The following WFDC10B variants were observed in gnomAD, a reference collection of about 807,000 sequenced individuals.
WFDC10B encodes the protein WAP four-disulfide core domain 10B.
Under a neutral mutation model 2.7 loss-of-function variants are expected in WFDC10B, and 1 was observed. The ratio of observed to expected loss-of-function variants is 0.38; its 90% CI spans 0.13 to 1.79. The LOEUF is 1.79. Ranked by LOEUF, WFDC10B falls within the 40% of genes most tolerant of loss-of-function variation. WFDC10B has a pLI of 0.33. For missense variants in WFDC10B, 71 were observed against 87.8 expected, an observed-to-expected ratio of 0.81 and a Z score of 0.76; for synonymous variants, 26 against 32.2, an observed-to-expected ratio of 0.81 and a Z score of 0.65.
At chr20:45,693,824 C>T (rs919993547) in intron 2 of WFDC10B, among the ~76,000 whole-genome samples, 19 of 152,344 alleles carry the variant, frequency 1.2e-4, no homozygotes, top group African/African-American at 2.6e-4. Context: ...GCGCACGGTG[C>T]GCTGCACCCA....
chr20:45,685,957 G>C lies in WFDC10B; in HGVS notation c.36C>G (p.Leu12=). The change falls in exon 3 of 4, where the codon CTC becomes CTG. Residue 12 remains leucine (L), a synonymous_variant. Coordinates refer to ENST00000330523, the MANE Select transcript of WFDC10B (RefSeq NM_172006.2). ...CCTGGGCCTGCAGCAGCAGCACACA[G>C]AGAACCAGGACAAGCAGCAGAGTCT... ...APQTLLLVLV[L]CVLLLQAQGG... 1 of 1,614,180 alleles carries C rather than the reference G, an allele frequency of 6.2e-7. No individual in the cohort carries two copies. Among genetic ancestry groups the C allele is most frequent in the South Asian group, 1.1e-5 (1 of 91,074 alleles).
intron 2 of WFDC10B, among the ~76,000 whole-genome samples, chr20:45,689,559 C>T (rs1021201097): frequency 3.3e-5 from 5 of 152,108 alleles, no homozygotes; most frequent in African/African-American, 9.7e-5. Context: ...TCCTTCACGT[C>T]CCTTTTAAGT....
At chr20:45,685,171 A>G (rs952945737) in intron 3 of WFDC10B, among the ~76,000 whole-genome samples, 53 of 152,216 alleles carry the variant, frequency 3.5e-4, no homozygotes, top group African/African-American at 1.3e-3. Context: ...TCACCCCAGT[A>G]GACTTCAATG....
At chr20:45,693,964 CA>C (rs34737850) in intron 2 of WFDC10B, among the ~76,000 whole-genome samples, 28,800 of 152,112 alleles carry the variant, frequency 0.19, 2,973 homozygotes, top group East Asian at 0.32. Context: ...CCTATTCAGC[CA>C]TCTTGGCTCC....
chr20:45,703,672 T>C (rs1174684652), intron 2 of WFDC10B, among the ~76,000 whole-genome samples: 1 of 152,060 alleles, frequency 6.6e-6, no homozygotes, highest in Non-Finnish European at 1.5e-5. Context: ...GGGAAGACTC[T>C]CCCAGGGCAG....
At chr20:45,693,155 C>T (rs972004692) in intron 2 of WFDC10B, among the ~76,000 whole-genome samples, 19 of 152,086 alleles carry the variant, frequency 1.2e-4, no homozygotes, top group Non-Finnish European at 2.2e-4. Flanking sequence ...TTTCGTGAAC[C>T]GCGAATGCTA....
intron 2 of WFDC10B, among the ~76,000 whole-genome samples, chr20:45,700,968 AAAG>A (rs1221586590): frequency 1.3e-5 from 2 of 152,250 alleles, no homozygotes; most frequent in Non-Finnish European, 2.9e-5. Context: ...AAATTTGTGG[AAAG>A]AAGAAAAGAT....
At chr20:45,704,349 T>A in intron 2 of WFDC10B, 148 bp downstream of exon 2, 1 of 1,494,956 alleles carries the variant, frequency 6.7e-7, no homozygotes, top group Non-Finnish European at 9.0e-7. Context: ...CAGATGAGGG[T>A]GGCAGGTTTC....
chr20:45,686,858 G>A lies in WFDC10B; in HGVS notation c.-64-802C>T, dbSNP rs747135453. Among the ~76,000 whole-genome samples, 9 of 151,938 alleles carry A rather than the reference G, an allele frequency of 5.9e-5. No homozygotes were observed. The South Asian group carries it at 6.3e-4, about 11-fold the overall frequency. On this transcript the variant is annotated intron_variant, in intron 2 of 3. Coordinates refer to ENST00000330523, the MANE Select transcript of WFDC10B (RefSeq NM_172006.2). ...GTATTTTTAGTAGAGATGGGGTTCC[G>A]CCATGTTGGCCAGGCTGGTCTTGAA...
chr20:45,694,358 G>C (rs1983918385), intron 2 of WFDC10B, among the ~76,000 whole-genome samples: 1 of 151,610 alleles, frequency 6.6e-6, no homozygotes, highest in Non-Finnish European at 1.5e-5. Context: ...ATGGCAAATA[G>C]TAGCAAAAAG....
chr20:45,702,317 T>C, intron 2 of WFDC10B: 1 of 1,161,362 alleles, frequency 8.6e-7, no homozygotes, highest in Non-Finnish European at 1.2e-6. Context: ...CGTGTCATGT[T>C]CAAGGGCCCA....
At chr20:45,702,199 C>T in intron 2 of WFDC10B, 1 of 1,612,460 alleles carries the variant, frequency 6.2e-7, no homozygotes, top group Non-Finnish European at 8.5e-7. Context: ...GAGTCCCAAG[C>T]AGCGTGTTCT....
At chr20:45,686,539 T>TG (rs11479569) in intron 2 of WFDC10B, among the ~76,000 whole-genome samples, 2,793 of 149,936 alleles carry the variant, frequency 0.019, 76 homozygotes, top group African/African-American at 0.06. Context: ...ATAATTTTTT[T>TG]GGGGGGGGGC....
chr20:45,694,446 A>C (rs1983920792), intron 2 of WFDC10B, among the ~76,000 whole-genome samples: 1 of 152,244 alleles, frequency 6.6e-6, no homozygotes, highest in Non-Finnish European at 1.5e-5. Flanking sequence ...AAACATGATT[A>C]TATATCGATA....
intron 2 of WFDC10B, among the ~76,000 whole-genome samples, chr20:45,687,457 G>C (rs566400916): frequency 7.2e-5 from 11 of 152,244 alleles, no homozygotes; most frequent in African/African-American, 2.6e-4. Flanking sequence ...ATTGTGAATA[G>C]TGCTGCAATG....
chr20:45,704,740 C>T, intron 1 of WFDC10B, 178 bp downstream of exon 1: 1 of 1,394,948 alleles, frequency 7.2e-7, no homozygotes, highest in Non-Finnish European at 9.7e-7. Flanking sequence ...CTTCTCTTGA[C>T]CAAGGATAAT....
intron 2 of WFDC10B, among the ~76,000 whole-genome samples, chr20:45,698,310 A>C (rs1467017472): frequency 6.6e-6 from 1 of 152,222 alleles, no homozygotes; most frequent in Non-Finnish European, 1.5e-5. Context: ...CCAATGATTT[A>C]AATATAAAAG....
intron 1 of WFDC10B, 149 bp downstream of exon 1, chr20:45,704,769 T>G (rs532865790): frequency 2.3e-6 from 3 of 1,310,818 alleles, no homozygotes; most frequent in African/African-American, 2.9e-5. Flanking sequence ...AAGTCCTGAT[T>G]AGAAAAGCCC....
chr20:45,698,597 T>C (rs1984049135), intron 2 of WFDC10B, among the ~76,000 whole-genome samples: 1 of 148,566 alleles, frequency 6.7e-6, no homozygotes, highest in Admixed American at 6.7e-5. Flanking sequence ...AAAAACCCAA[T>C]TACAAAATGG....
Sources: gnomAD v4.1 joint callset for allele counts (sites outside exome capture counted in the v4.1 genomes callset) on GRCh38, gnomAD v4.1.1 for gene constraint, MANE v1.5 for transcripts, NCBI Gene and HGNC (gene_info 2026-07-23, HGNC 2026-07-21) for gene names.